The following PPM1L variants were observed in gnomAD, a reference collection of about 807,000 sequenced individuals.
PPM1L encodes protein phosphatase 1L.
PPM1L carries 13 observed loss-of-function variants against 31.4 expected under a neutral mutation model. The observed-to-expected ratio is 0.41, with a 90% confidence interval of 0.27 to 0.66. PPM1L has a LOEUF of 0.66. Among genes scored for constraint, PPM1L ranks in the 30% least tolerant of loss-of-function variants. The probability of loss-of-function intolerance (pLI) is 0.29; values close to 1 mark genes in which losing one functional copy is unlikely to be tolerated. For synonymous variants in PPM1L, 184 were observed against 175.4 expected (o/e 1.05, Z -0.39); for missense variants, 326 against 453.7 (o/e 0.72, Z 2.56).
At chr3:160,832,592 GT>G (rs1398019661) in intron 1 of PPM1L, among the ~76,000 whole-genome samples, 1 of 152,068 alleles carries the variant, frequency 6.6e-6, no homozygotes, top group Non-Finnish European at 1.5e-5. Flanking sequence ...TTCACAGGAA[GT>G]TGCAGAAATG....
intron 2 of PPM1L, among the ~76,000 whole-genome samples, chr3:160,972,185 G>A (rs897460940): frequency 6.6e-6 from 1 of 151,726 alleles, no homozygotes; most frequent in Admixed American, 6.6e-5. Context: ...TAGAAAAAAT[G>A]ATAATTCAGA....
intron 1 of PPM1L, among the ~76,000 whole-genome samples, chr3:160,882,723 T>C (rs1712767415): frequency 6.6e-6 from 1 of 152,208 alleles, no homozygotes; most frequent in South Asian, 2.1e-4. Flanking sequence ...ATGAAAAGTT[T>C]CCCACTCACC....
rs779390480 is a variant in PPM1L at position 160,933,879 on chromosome 3, C to T, written c.400-27857C>T. On this transcript the variant is annotated intron_variant, in intron 1 of 3. Transcript: ENST00000498165. Reference sequence around the variant, plus strand: ...GTGAATTTAAAATGACTGAATTTATCTTTAATAAAAGTGCCTCCTGAGAAA... The same window carrying T: ...GTGAATTTAAAATGACTGAATTTATTTTTAATAAAAGTGCCTCCTGAGAAA... 5.9e-5 allele frequency among the ~76,000 whole-genome samples: 9 copies of T among 152,074 alleles called. No individual in the cohort carries two copies. The South Asian group carries it at 6.2e-4, about 11-fold the overall frequency.
intron 1 of PPM1L, among the ~76,000 whole-genome samples, chr3:160,860,008 G>C (rs1258651094): frequency 6.6e-6 from 1 of 152,138 alleles, no homozygotes; most frequent in Non-Finnish European, 1.5e-5. Flanking sequence ...AAATGTGAAG[G>C]CAGTTTACAT....
chr3:160,771,695 C>T (rs1480153073), intron 1 of PPM1L, among the ~76,000 whole-genome samples: 9 of 151,390 alleles, frequency 5.9e-5, no homozygotes, highest in South Asian at 2.1e-4. Context: ...TAATTCATTC[C>T]GATTATATTT....
At chr3:160,952,268 T>C (rs1715597845) in intron 1 of PPM1L, among the ~76,000 whole-genome samples, 1 of 152,216 alleles carries the variant, frequency 6.6e-6, no homozygotes, top group Non-Finnish European at 1.5e-5. Context: ...TAATGATATG[T>C]TACCGTAAGA....
chr3:160,771,447 T>G (rs1331648626), intron 1 of PPM1L, among the ~76,000 whole-genome samples: 1 of 151,650 alleles, frequency 6.6e-6, no homozygotes, highest in Non-Finnish European at 1.5e-5. Flanking sequence ...TTCACCATGT[T>G]GCCTAGGCTG....
chr3:160,810,025 T>A (rs570801224), intron 1 of PPM1L, among the ~76,000 whole-genome samples: 1 of 152,224 alleles, frequency 6.6e-6, no homozygotes, highest in South Asian at 2.1e-4. Flanking sequence ...AGCGTGCTTC[T>A]GAGCCCTTAG....
chr3:161,019,987 G>A (rs1353272164), intron 2 of PPM1L, among the ~76,000 whole-genome samples: 1 of 152,014 alleles, frequency 6.6e-6, no homozygotes, highest in African/African-American at 2.4e-5. Context: ...TTACCTGAGT[G>A]TGGTGGCGTG....
chr3:160,872,839 A>G (rs1233789613), intron 1 of PPM1L, among the ~76,000 whole-genome samples: 1 of 152,132 alleles, frequency 6.6e-6, no homozygotes, highest in African/African-American at 2.4e-5. Flanking sequence ...GGACAGGAGA[A>G]TCGCTTGAAC....
chr3:160,899,593 G>GC (rs1553819155), intron 1 of PPM1L, among the ~76,000 whole-genome samples: 2 of 152,014 alleles, frequency 1.3e-5, no homozygotes, highest in Admixed American at 6.6e-5. Context: ...TGTTTTTGTT[G>GC]TAATTTCAAG....
intron 1 of PPM1L, among the ~76,000 whole-genome samples, chr3:160,823,503 A>G (rs1228116654): frequency 1.3e-5 from 2 of 151,918 alleles, no homozygotes; most frequent in East Asian, 3.9e-4. Context: ...ATGAACCACT[A>G]TGCCCGGCCT....
intron 1 of PPM1L, among the ~76,000 whole-genome samples, chr3:160,826,198 G>T (rs1713352265): frequency 6.6e-6 from 1 of 152,068 alleles, no homozygotes; most frequent in African/African-American, 2.4e-5. Flanking sequence ...TTACCTCTGA[G>T]ATGAGTACCA....
At chr3:160,945,632 CTCAGAGTTACTTTTTAATCA>C (rs1715383460) in intron 1 of PPM1L, among the ~76,000 whole-genome samples, 1 of 152,114 alleles carries the variant, frequency 6.6e-6, no homozygotes. Context: ...TGCCAAGAAA[CTCAGAGTTACTTTTTAATCA>C]TCTGTAACAA....
intron 1 of PPM1L, among the ~76,000 whole-genome samples, chr3:160,881,886 C>T (rs2108038242): frequency 6.6e-6 from 1 of 152,182 alleles, no homozygotes; most frequent in East Asian, 1.9e-4. Flanking sequence ...CCCGTCTCTA[C>T]TAAAAATACA....
At chr3:160,891,590 G>C (rs1014316968) in intron 1 of PPM1L, among the ~76,000 whole-genome samples, 1 of 152,148 alleles carries the variant, frequency 6.6e-6, no homozygotes, top group African/African-American at 2.4e-5. Context: ...ACAGCATGGC[G>C]ATTCCTCAAG....
intron 1 of PPM1L, among the ~76,000 whole-genome samples, chr3:160,839,054 C>G (rs2108103277): frequency 6.6e-6 from 1 of 152,310 alleles, no homozygotes; most frequent in East Asian, 1.9e-4. Context: ...GCCTTCTCAC[C>G]ATGAGATGCC....
chr3:160,862,079 G>T (rs990291245), intron 1 of PPM1L, among the ~76,000 whole-genome samples: 12 of 152,118 alleles, frequency 7.9e-5, no homozygotes, highest in Non-Finnish European at 4.4e-5. Flanking sequence ...TAGGGACTAG[G>T]GCGTGGACAT....
chr3:161,071,938 G>A lies in PPM1L; in HGVS notation c.*2781G>A, dbSNP rs1030085688. On this transcript the variant is annotated 3_prime_UTR_variant, in exon 4 of 4. Coordinates refer to ENST00000498165, the MANE Select transcript of PPM1L (RefSeq NM_139245.4). ...GCTTCCTAGACTCCCTAGCTAGCTC[G>A]AGTTCGAATTGCCAATAGTCCCCAT... is the stretch of plus-strand genomic sequence containing the variant. The A allele has an allele frequency of 3.9e-5, 6 of 152,166 alleles. No individual in the cohort carries two copies. The highest frequency in any genetic ancestry group is 5.9e-5 in the Non-Finnish European group (4 of 68,046). 9.4% of individuals were successfully genotyped at this position (152,166 alleles called of 1,614,324 possible).
Sources: gnomAD v4.1 joint callset for allele counts (sites outside exome capture counted in the v4.1 genomes callset) on GRCh38, gnomAD v4.1.1 for gene constraint, MANE v1.5 for transcripts, NCBI Gene and HGNC (gene_info 2026-07-23, HGNC 2026-07-21) for gene names.